HEXB: variants seen among roughly 807,000 people sequenced by gnomAD.
HEXB encodes hexosaminidase subunit beta.
In HEXB, 51 loss-of-function variants were observed where a neutral mutation model predicts 71.2. The observed-to-expected ratio is 0.72, with a 90% CI of 0.57 to 0.90. HEXB has a LOEUF of 0.90. HEXB is among the 40% of genes least tolerant of loss of function. The pLI, the probability that HEXB is intolerant of heterozygous loss-of-function variation, is 0.00. For synonymous variants in HEXB, 266 were observed against 249.3 expected, an observed-to-expected ratio of 1.07 and a Z score of -0.63; for missense variants, 617 against 677.0, an observed-to-expected ratio of 0.91 and a Z score of 0.98.
At chr5:74,695,252 G>T (rs189748788) in intron 3 of HEXB, among the ~76,000 whole-genome samples, 133 of 136,088 alleles carry the variant, frequency 9.8e-4, no homozygotes, top group Non-Finnish European at 1.8e-3. Context: ...TGCCCAGGCT[G>T]GAGTGCAGTG....
At chr5:74,709,291 C>T (rs1360719838) in intron 6 of HEXB, among the ~76,000 whole-genome samples, 2 of 152,126 alleles carry the variant, frequency 1.3e-5, no homozygotes, top group Non-Finnish European at 2.9e-5. Context: ...ACATTCAAAG[C>T]AGTGTGTAGA....
At chr5:74,655,265 A>G (rs1748196145) in intron 1 of HEXB, among the ~76,000 whole-genome samples, 3 of 152,028 alleles carry the variant, frequency 2.0e-5, no homozygotes, top group Admixed American at 1.3e-4. Context: ...GAATGTTCTA[A>G]CCAATACCTG....
Position 74,679,798 on chromosome 5 carries a change from CAAAAAAAAAAA to C in HEXB, c.-376-9513_-376-9503del, listed in dbSNP as rs70976121. Among the ~76,000 whole-genome samples, 54 of 38,894 alleles carry C rather than the reference CAAAAAAAAAAA, an allele frequency of 1.4e-3. 2 individuals are homozygous for C. The highest frequency in any genetic ancestry group is 2.3e-3 in the African/African-American group (20 of 8,576). The allele number at this position is 38,894 out of a possible 152,430, so 25.5% of individuals were successfully genotyped here. On this transcript the variant is annotated intron_variant, in intron 1 of 13. Coordinates refer to the HEXB transcript ENST00000511181. The stretch of plus-strand genomic sequence containing the variant: ...CTGGTGACAGCGCGAGACTCCGTCT[CAAAAAAAAAAA>C]AAAAAAAAAAAAAAAAGTATGGCTT...
In HEXB at chr5:74,721,271, AT is replaced by A; in HGVS notation, c.*97del. 9.7e-7 allele frequency: 1 copy of A among 1,027,816 alleles called. No homozygotes were observed. The highest frequency in any genetic ancestry group is 1.5e-6 in the Non-Finnish European group (1 of 658,594). The allele number at this position is 1,027,816 out of a possible 1,614,324, so 63.7% of individuals were successfully genotyped here. On this transcript the variant is annotated 3_prime_UTR_variant, in exon 14 of 14. Transcript: ENST00000261416. ...GATATTAGACTGTTTTTTGAATAAA[AT>A]ATTTTTATTGATTGAACCTTTGACC... is the stretch of plus-strand genomic sequence containing the variant.
chr5:74,697,088 G>T lies in HEXB; in HGVS notation c.651G>T (p.Lys217Asn). Residue 217 changes from lysine (K) to asparagine (N), a missense_variant, in exon 5 of 14, where the codon AAG (lysine) becomes AAT (asparagine). Lys to Asn is a moderately conservative substitution (Grantham distance 94). Transcript: ENST00000261416. ...IDTSRHYLPV[K>N]IILKTLDAMA... is the part of the protein sequence containing the mutation. ...CATCCAGACATTATCTGCCAGTTAA[G>T]ATTATTCTTAAAACTCTGGTAAGTA... is the stretch of plus-strand genomic sequence containing the variant. 1 of 1,494,646 alleles carries T rather than the reference G, an allele frequency of 6.7e-7. No homozygotes were observed. The allele number at this position is 1,494,646 out of a possible 1,614,324, so 92.6% of individuals were successfully genotyped here. A position where few individuals can be genotyped will look rare whatever the true frequency, so the allele number is the denominator to read the frequency against.
chr5:74,679,652 T>A (rs1203276024), intron 1 of HEXB, among the ~76,000 whole-genome samples: 10 of 151,708 alleles, frequency 6.6e-5, no homozygotes. Context: ...GTACAAAAAT[T>A]AGCTGGGAGT....
intron 1 of HEXB, among the ~76,000 whole-genome samples, chr5:74,685,797 T>C (rs544818172): frequency 6.6e-6 from 1 of 152,070 alleles, no homozygotes; most frequent in South Asian, 2.1e-4. Context: ...GGATAGTAAG[T>C]GGAAGAGGGA....
chr5:74,679,662 T>C (rs1748701212), intron 1 of HEXB, among the ~76,000 whole-genome samples: 1 of 151,084 alleles, frequency 6.6e-6, no homozygotes, highest in African/African-American at 2.4e-5. Context: ...TAGCTGGGAG[T>C]GGTGGCCCAC....
At chr5:74,717,037 A>G (rs1749687817) in intron 9 of HEXB, among the ~76,000 whole-genome samples, 1 of 152,170 alleles carries the variant, frequency 6.6e-6, no homozygotes. Flanking sequence ...TAAAAATGAA[A>G]AAATTAGCCA....
At chr5:74,696,036 T>C (rs1490026159) in intron 3 of HEXB, among the ~76,000 whole-genome samples, 3 of 152,176 alleles carry the variant, frequency 2.0e-5, no homozygotes, top group Non-Finnish European at 4.4e-5. Context: ...CTTGACGAGG[T>C]TGGAGAGACA....
chr5:74,682,087 G>C (rs1179913973), upstream of HEXB, among the ~76,000 whole-genome samples: 1 of 152,236 alleles, frequency 6.6e-6, no homozygotes. Flanking sequence ...GGCTGGGTGC[G>C]GTGGCTCACG....
chr5:74,720,630 A>G lies in HEXB; in HGVS notation c.1509-13A>G. On this transcript the variant is annotated splice_polypyrimidine_tract_variant and intron_variant, in intron 12 of 13. Coordinates refer to ENST00000261416, the MANE Select transcript of HEXB (RefSeq NM_000521.4). ...TAAACTGCTTGCGGGGGGATGTGTG[A>G]TTTAAATTTTAGGCCTCGGGCAAGT... 1 of 1,612,500 alleles carries G rather than the reference A, an allele frequency of 6.2e-7. No individual in the cohort carries two copies. The highest frequency in any genetic ancestry group is 1.7e-5 in the Admixed American group (1 of 60,010).
intron 1 of HEXB, among the ~76,000 whole-genome samples, chr5:74,649,115 A>T (rs374289824): frequency 6.6e-6 from 1 of 152,246 alleles, no homozygotes; most frequent in African/African-American, 2.4e-5. Flanking sequence ...TTGCTGTCAT[A>T]GCCCTAAAGT....
chr5:74,646,201 T>G (rs979247038), intron 1 of HEXB, among the ~76,000 whole-genome samples: 3 of 152,206 alleles, frequency 2.0e-5, no homozygotes, highest in Non-Finnish European at 4.4e-5. Context: ...TATATAATGC[T>G]GGCTTTTATA....
intron 1 of HEXB, among the ~76,000 whole-genome samples, chr5:74,653,372 T>C (rs1284071560): frequency 6.6e-6 from 1 of 152,168 alleles, no homozygotes; most frequent in African/African-American, 2.4e-5. Context: ...GTAAAAAATA[T>C]AGGTGGGCAA....
At chr5:74,685,858 G>A (rs1461580887) in intron 1 of HEXB, among the ~76,000 whole-genome samples, 1 of 152,130 alleles carries the variant, frequency 6.6e-6, no homozygotes, top group African/African-American at 2.4e-5. Context: ...GGGGACACCG[G>A]AGCTGGGGAG....
chr5:74,668,208 TG>T (rs1255232944), intron 1 of HEXB, among the ~76,000 whole-genome samples: 3 of 117,682 alleles, frequency 2.5e-5, no homozygotes, highest in Non-Finnish European at 5.5e-5. Flanking sequence ...TATTTTATTT[TG>T]TTTTTTTGTT....
At chr5:74,653,333 T>C (rs1313129732) in intron 1 of HEXB, among the ~76,000 whole-genome samples, 2 of 152,200 alleles carry the variant, frequency 1.3e-5, no homozygotes, top group African/African-American at 4.8e-5. Flanking sequence ...GATCATTCAG[T>C]GAATATTAAA....
chr5:74,658,725 A>C (rs974803919), intron 1 of HEXB, among the ~76,000 whole-genome samples: 4 of 152,316 alleles, frequency 2.6e-5, no homozygotes, highest in Non-Finnish European at 1.5e-5. Context: ...GAACCTTCCT[A>C]AACTCTGCCC....
Sources: gnomAD v4.1 joint callset for allele counts (sites outside exome capture counted in the v4.1 genomes callset) on GRCh38, gnomAD v4.1.1 for gene constraint, MANE v1.5 for transcripts, NCBI Gene and HGNC (gene_info 2026-07-23, HGNC 2026-07-21) for gene names.